ZNF710: variants seen among roughly 807,000 people sequenced by gnomAD.
The protein encoded by ZNF710 is zinc finger protein 710.
In ZNF710, 13 loss-of-function variants were observed where a neutral mutation model predicts 50.6. That is an observed-to-expected ratio of 0.26 (90% CI 0.17 to 0.41). The LOEUF (loss-of-function observed/expected upper bound fraction) is 0.41, where lower values mean the gene tolerates loss of function less well. Ranked by LOEUF, ZNF710 falls within the 10% of genes least tolerant of loss-of-function variation. ZNF710 has a pLI of 1.00. For missense variants in ZNF710, 721 were observed against 936.6 expected (o/e 0.77, Z 3.01); for synonymous variants, 383 against 397.0 (o/e 0.96, Z 0.42).
rs35943176 is a variant in ZNF710 at position 90,032,775 on chromosome 15, C to CA, written c.-29+31180dup. Among the ~76,000 whole-genome samples, 229 of 111,088 alleles carry CA rather than the reference C, an allele frequency of 2.1e-3. 1 individual carries two copies. The highest frequency in any genetic ancestry group is 9.5e-3 in the Middle Eastern group (2 of 210). 72.9% of individuals were successfully genotyped at this position (111,088 alleles called of 152,430 possible). On this transcript the variant is annotated intron_variant, in intron 1 of 4. Coordinates refer to ENST00000268154, the MANE Select transcript of ZNF710 (RefSeq NM_198526.4). ...CCTGGGCAAGAGTGAGATTCCATCT[C>CA]AAAAAAAAAAAAAAAAAAAGAATGT... is the stretch of plus-strand genomic sequence containing the variant.
rs200434627 is a variant in ZNF710, at chr15:90,008,344, G to GTA, written c.-29+6740_-29+6741dup. On this transcript the variant is annotated intron_variant, in intron 1 of 4. Coordinates refer to ENST00000268154, the MANE Select transcript of ZNF710 (RefSeq NM_198526.4). ...GTATTATCTTTATTATATACATGTA[G>GTA]TATATATATATGTATAGTACATATG... is the stretch of plus-strand genomic sequence containing the variant. Among the ~76,000 whole-genome samples the GTA allele has an allele frequency of 1.9e-3, 278 of 146,002 alleles. 7 individuals carry two copies. The East Asian group carries it at 0.035, about 18-fold the overall frequency.
Position 90,067,053 on chromosome 15 carries a change from TTGTC to T in ZNF710, c.-28-49_-28-46del, listed in dbSNP as rs1445258408. 26 of 1,502,650 alleles carry T rather than the reference TTGTC, an allele frequency of 1.7e-5. No individual in the cohort carries two copies. The Admixed American group carries it at 3.4e-4, about 20-fold the overall frequency. The allele number at this position is 1,502,650 out of a possible 1,614,324, so 93.1% of individuals were successfully genotyped here. A position where few individuals can be genotyped will look rare whatever the true frequency, so the allele number is the denominator to read the frequency against. ...CAAGCCCTTGTCTGTGCTGTGTCTG[TTGTC>T]TGTCTGTGCAGGAGTGAGCCAGCAA... is the stretch of plus-strand genomic sequence containing the variant. On this transcript the variant is annotated intron_variant, in intron 1 of 4. Coordinates refer to ENST00000268154, the MANE Select transcript of ZNF710 (RefSeq NM_198526.4). This position sits in a 1 kb window ranked among gnomAD's most constrained non-coding sequence, Gnocchi z 8.1.
At chr15:90,023,318 C>T (rs11855559) in intron 1 of ZNF710, among the ~76,000 whole-genome samples, 3 of 152,216 alleles carry the variant, frequency 2.0e-5, no homozygotes, top group African/African-American at 7.2e-5. Context: ...AAAATCAGAG[C>T]TAAAACACCA....
chr15:90,008,335 A>G (rs1449673705), intron 1 of ZNF710, among the ~76,000 whole-genome samples: 1 of 150,060 alleles, frequency 6.7e-6, no homozygotes, highest in Non-Finnish European at 1.5e-5. Context: ...TCTTTATTAT[A>G]TACATGTAGT....
At chr15:90,010,689 G>T (rs1469427363) in intron 1 of ZNF710, among the ~76,000 whole-genome samples, 1 of 152,080 alleles carries the variant, frequency 6.6e-6, no homozygotes, top group African/African-American at 2.4e-5. Context: ...TTGATTGAAA[G>T]ATTTTTTTCT....
At chr15:90,009,791 C>T (rs1029894870) in intron 1 of ZNF710, among the ~76,000 whole-genome samples, 1 of 152,016 alleles carries the variant, frequency 6.6e-6, no homozygotes, top group Admixed American at 6.6e-5. Context: ...TCCCCCTCTT[C>T]TCCTTGCCAG....
At chr15:90,074,429 G>A (rs187372631) in intron 4 of ZNF710, 139 bp downstream of exon 4, 34 of 1,543,388 alleles carry the variant, frequency 2.2e-5, no homozygotes, top group Non-Finnish European at 8.7e-6. Flanking sequence ...TGGAAGGGGG[G>A]TACCCTGGAA....
At chr15:90,038,906 T>A (rs1899214038) in intron 1 of ZNF710, among the ~76,000 whole-genome samples, 1 of 152,244 alleles carries the variant, frequency 6.6e-6, no homozygotes, top group African/African-American at 2.4e-5. Flanking sequence ...TTTGGCTGTC[T>A]GTCCCTGTGT....
chr15:90,022,990 G>C (rs567045132), intron 1 of ZNF710, among the ~76,000 whole-genome samples: 11 of 152,294 alleles, frequency 7.2e-5, no homozygotes, highest in African/African-American at 2.6e-4. Context: ...GGAAGAGAAG[G>C]AGAATTAATG....
intron 1 of ZNF710, among the ~76,000 whole-genome samples, chr15:90,010,377 C>A (rs1433314053): frequency 1.3e-5 from 2 of 152,202 alleles, no homozygotes; most frequent in East Asian, 3.8e-4. Flanking sequence ...CAACCTCCGC[C>A]TCCTAGGCTC....
At chr15:90,071,247 G>T (rs1003675355) in intron 2 of ZNF710, among the ~76,000 whole-genome samples, 1 of 138,810 alleles carries the variant, frequency 7.2e-6, no homozygotes, top group African/African-American at 2.8e-5. Context: ...GGCAACAAAA[G>T]CAAGACTCTG....
intron 1 of ZNF710, among the ~76,000 whole-genome samples, chr15:90,003,465 G>GT (rs1432359627): frequency 1.3e-5 from 2 of 152,146 alleles, no homozygotes; most frequent in Admixed American, 6.5e-5. Context: ...TTGTACACGT[G>GT]TAAGTAAAAC....
At chr15:90,004,831 C>T (rs1344423357) in intron 1 of ZNF710, among the ~76,000 whole-genome samples, 1 of 152,230 alleles carries the variant, frequency 6.6e-6, no homozygotes, top group Non-Finnish European at 1.5e-5. Context: ...AAATGGAGCG[C>T]CTCATTTTCC....
intron 1 of ZNF710, chr15:90,026,039 GAAA>G (rs1349832380): frequency 1.3e-5 from 2 of 149,900 alleles, no homozygotes; most frequent in East Asian, 3.9e-4. Context: ...GAGTGCTTAG[GAAA>G]AAAAAAGAAT....
intron 1 of ZNF710, among the ~76,000 whole-genome samples, chr15:90,022,763 A>T (rs1026169837): frequency 4.6e-5 from 7 of 152,194 alleles, no homozygotes; most frequent in African/African-American, 1.7e-4. Flanking sequence ...GCTTTGCACC[A>T]GCTGTTTACA....
At chr15:90,023,478 A>G (rs563832348) in intron 1 of ZNF710, among the ~76,000 whole-genome samples, 35 of 152,322 alleles carry the variant, frequency 2.3e-4, no homozygotes, top group African/African-American at 8.2e-4. Context: ...ATGGAGCAGC[A>G]GGTAGGAAGT....
At chr15:90,075,908 A>T (rs1317914360) in intron 4 of ZNF710, 2 of 152,132 alleles carry the variant, frequency 1.3e-5, no homozygotes, top group African/African-American at 4.8e-5. Context: ...GCTGAGTCAG[A>T]CTCTACACTT....
At chr15:90,065,106 C>T (rs1274261630) in intron 1 of ZNF710, among the ~76,000 whole-genome samples, 7 of 152,200 alleles carry the variant, frequency 4.6e-5, no homozygotes, top group African/African-American at 1.4e-4. Flanking sequence ...TCTATCTGAT[C>T]CCTTCCACGA....
intron 1 of ZNF710, among the ~76,000 whole-genome samples, chr15:90,021,019 C>G (rs75331745): frequency 2.2e-4 from 9 of 40,314 alleles, no homozygotes; most frequent in African/African-American, 3.3e-4. Context: ...ACCCCCCCCC[C>G]CTTAGCAGCC....
Sources: allele counts gnomAD v4.1 joint callset (sites outside exome capture counted in the v4.1 genomes callset), GRCh38; gene constraint gnomAD v4.1.1; non-coding constraint Gnocchi (gnomAD v3.1); transcripts MANE v1.5; gene names NCBI Gene and HGNC (gene_info 2026-07-23, HGNC 2026-07-21).